The following RNF17 variants were observed in gnomAD, a reference collection of about 807,000 sequenced individuals.
The protein encoded by RNF17 is ring finger protein 17, also known as spermatogenesis associated 23.
In RNF17, 31 loss-of-function variants were observed where a neutral mutation model predicts 200.5. The ratio of observed to expected loss-of-function variants is 0.15; its 90% CI spans 0.12 to 0.21. The LOEUF (loss-of-function observed/expected upper bound fraction) is 0.21. RNF17 is among the 10% of genes least tolerant of loss of function. The probability of loss-of-function intolerance (pLI) is 1.00; values close to 1 mark genes in which losing one functional copy is unlikely to be tolerated. For synonymous variants in RNF17, 606 were observed against 637.8 expected (o/e 0.95, Z 0.75); for missense variants, 1,628 against 1,905.1 (o/e 0.85, Z 2.71).
intron 31 of RNF17, among the ~76,000 whole-genome samples, chr13:24,869,844 T>C (rs1894057633): frequency 6.6e-6 from 1 of 151,848 alleles, no homozygotes; most frequent in Non-Finnish European, 1.5e-5. Flanking sequence ...CATAGCTCAC[T>C]GAAGCCTTAA....
At chr13:24,766,355 C>A (rs530205751) in intron 1 of RNF17, among the ~76,000 whole-genome samples, 2 of 152,244 alleles carry the variant, frequency 1.3e-5, no homozygotes, top group East Asian at 3.9e-4. Context: ...AAATGACAAC[C>A]TTTTGAAATT....
chr13:24,763,512 G>C (rs770969347), upstream of RNF17, among the ~76,000 whole-genome samples: 1 of 151,654 alleles, frequency 6.6e-6, no homozygotes, highest in African/African-American at 2.4e-5. Flanking sequence ...CCACCGCGCC[G>C]GGCCCAGAAG....
chr13:24,844,635 A>C lies in RNF17; in HGVS notation c.2832-17A>C. 6.5e-7 allele frequency: 1 copy of C among 1,542,540 alleles called. No individual in the cohort carries two copies. The highest frequency in any genetic ancestry group is 8.8e-7 in the Non-Finnish European group (1 of 1,131,178). The stretch of plus-strand genomic sequence containing the variant: ...TAAGAAAAGGTTTGGAAAGTTAAAT[A>C]TTTTTTATCTCTATAGTTTAGAAGA... On this transcript the variant is annotated splice_polypyrimidine_tract_variant and intron_variant, in intron 20 of 35. Transcript: ENST00000255324.
chr13:24,773,579 C>G (rs891946758), intron 2 of RNF17, among the ~76,000 whole-genome samples: 1 of 152,152 alleles, frequency 6.6e-6, no homozygotes, highest in South Asian at 2.1e-4. Context: ...GGCAGAAGAA[C>G]TTTCTGTTGG....
intron 9 of RNF17, among the ~76,000 whole-genome samples, chr13:24,790,548 A>G (rs1450531739): frequency 6.6e-6 from 1 of 152,210 alleles, no homozygotes; most frequent in Admixed American, 6.6e-5. Flanking sequence ...ACATGTCGTT[A>G]GTGACTACCT....
chr13:24,834,256 A>AAT (rs201640055), intron 18 of RNF17, among the ~76,000 whole-genome samples: 1 of 151,992 alleles, frequency 6.6e-6, no homozygotes, highest in South Asian at 2.1e-4. Context: ...AAAATAAAAA[A>AAT]ATATATATAT....
rs1891030587 is a variant in RNF17 at position 24,844,517 on chromosome 13, A to G, written c.2832-135A>G. 3 of 700,510 alleles carry G rather than the reference A, an allele frequency of 4.3e-6. No individual in the cohort carries two copies. In the Admixed American group the frequency reaches 8.0e-5, roughly 19 times the overall value. 43.4% of individuals were successfully genotyped at this position (700,510 alleles called of 1,614,324 possible). ...GTTCAAAAACCTGAGGAAGAAATAC[A>G]CTTGTACATTCAAGGAAGAACAAGG... is the stretch of plus-strand genomic sequence containing the variant. On this transcript the variant is annotated intron_variant, in intron 20 of 35. Coordinates refer to ENST00000255324, the MANE Select transcript of RNF17 (RefSeq NM_031277.3).
At chr13:24,798,248 C>G (rs905142604) in intron 11 of RNF17, among the ~76,000 whole-genome samples, 2 of 152,068 alleles carry the variant, frequency 1.3e-5, no homozygotes, top group African/African-American at 4.8e-5. Context: ...ATCAATTAGC[C>G]TATGTGGTAA....
chr13:24,847,862 CTA>C (rs1359308276), intron 22 of RNF17, among the ~76,000 whole-genome samples: 4 of 152,106 alleles, frequency 2.6e-5, no homozygotes, highest in Non-Finnish European at 1.5e-5. Flanking sequence ...TATATAAATC[CTA>C]TGTTAGTTTT....
intron 1 of RNF17, among the ~76,000 whole-genome samples, chr13:24,765,116 C>T (rs551503725): frequency 1.4e-4 from 21 of 152,220 alleles, no homozygotes; most frequent in African/African-American, 4.8e-4. Flanking sequence ...CCCAGGTTCA[C>T]GCCATTCTCC....
chr13:24,805,448 T>C (rs561587736), intron 15 of RNF17, among the ~76,000 whole-genome samples: 1 of 152,256 alleles, frequency 6.6e-6, no homozygotes, highest in Non-Finnish European at 1.5e-5. Context: ...TGAAATCATA[T>C]ACAATGTTTC....
intron 5 of RNF17, among the ~76,000 whole-genome samples, chr13:24,781,343 C>A (rs1593235761): frequency 6.6e-6 from 1 of 151,900 alleles, no homozygotes; most frequent in East Asian, 1.9e-4. Context: ...GTAGAAAATG[C>A]CAGTAAGGCC....
intron 15 of RNF17, chr13:24,824,294 G>A (rs542556809): frequency 1.3e-4 from 90 of 669,252 alleles, no homozygotes; most frequent in East Asian, 1.2e-3. Context: ...TTTTGTTGGC[G>A]TCATTCCTCT....
At chr13:24,808,966 G>T (rs1886243946) in intron 15 of RNF17, among the ~76,000 whole-genome samples, 1 of 150,920 alleles carries the variant, frequency 6.6e-6, no homozygotes, top group Non-Finnish European at 1.5e-5. Context: ...TGCATATATT[G>T]AACCAGCCTT....
intron 1 of RNF17, 50 bp downstream of exon 1, chr13:24,764,383 C>G (rs1199473214): frequency 1.3e-6 from 2 of 1,518,696 alleles, no homozygotes; most frequent in African/African-American, 2.7e-5. Context: ...GGAGGGAGCG[C>G]TGGGGGCCAG....
At chr13:24,841,151 C>T (rs1223588140) in intron 18 of RNF17, among the ~76,000 whole-genome samples, 3 of 152,164 alleles carry the variant, frequency 2.0e-5, no homozygotes, top group Non-Finnish European at 1.5e-5. Context: ...ACACATGAGA[C>T]ACAAGCCTTA....
At chr13:24,886,260 G>C in the RNF17 span, 6 of 1,255,218 alleles carry the variant, frequency 4.8e-6, no homozygotes, top group Non-Finnish European at 6.3e-6. Context: ...GCAAGTGCCA[G>C]AATCTGACCT....
At chr13:24,797,489 T>C (rs1884703655) in intron 11 of RNF17, among the ~76,000 whole-genome samples, 1 of 152,148 alleles carries the variant, frequency 6.6e-6, no homozygotes, top group African/African-American at 2.4e-5. Flanking sequence ...GGTCTTCAAA[T>C]AACATTATCT....
intron 16 of RNF17, among the ~76,000 whole-genome samples, chr13:24,829,480 G>A (rs1298724437): frequency 6.6e-6 from 1 of 152,212 alleles, no homozygotes; most frequent in Non-Finnish European, 1.5e-5. Flanking sequence ...CTTCTAGCAA[G>A]GGGATTCCAG....
Sources: allele counts gnomAD v4.1 joint callset (sites outside exome capture counted in the v4.1 genomes callset), GRCh38; gene constraint gnomAD v4.1.1; transcripts MANE v1.5; gene names NCBI Gene and HGNC (gene_info 2026-07-23, HGNC 2026-07-21).